The following GLB1 variants were observed in gnomAD, a reference collection of about 807,000 sequenced individuals.
GLB1 encodes the protein beta-galactosidase.
GLB1 carries 56 observed loss-of-function variants against 74.0 expected under a neutral mutation model. That is an observed-to-expected ratio of 0.76 (90% CI 0.61 to 0.94). The LOEUF is 0.94. Ranked by LOEUF, GLB1 falls within the 40% of genes least tolerant of loss-of-function variation. GLB1 has a pLI of 0.00. For missense variants in GLB1, 787 were observed against 845.5 expected (o/e 0.93, Z 0.86); for synonymous variants, 323 against 323.6 (o/e 1.00, Z 0.02).
the GLB1 span, among the ~76,000 whole-genome samples, chr3:32,969,697 G>T: frequency 2.6e-5 from 4 of 152,228 alleles, no homozygotes; most frequent in African/African-American, 9.6e-5. Context: ...TCCAGTGGGA[G>T]GCTAGCCATA....
At chr3:33,025,688 G>A (rs1284054618) in intron 10 of GLB1, among the ~76,000 whole-genome samples, 3 of 148,978 alleles carry the variant, frequency 2.0e-5, no homozygotes, top group Non-Finnish European at 4.5e-5. Flanking sequence ...GGGCCGTGGC[G>A]GTGGGAGCAG....
rs544222319 is a variant in GLB1, at chr3:33,045,507, ATCT to A, written c.1068+610_1068+612del. ...CCACACATAAAAAGGAAAATAGTTT[ATCT>A]TCTTCTCTCTTGCAAATAAGGACGG... On this transcript the variant is annotated intron_variant, in intron 10 of 15. Transcript: ENST00000307363. 1.5e-4 allele frequency: 144 copies of A among 988,216 alleles called. No homozygotes were observed. The African/African-American group carries it at 2.2e-3, about 15-fold the overall frequency. The allele number at this position is 988,216 out of a possible 1,614,324, so 61.2% of individuals were successfully genotyped here. A position where few individuals can be genotyped will look rare whatever the true frequency, so the allele number is the denominator to read the frequency against.
Position 33,093,763 on chromosome 3 carries a change from A to AGAGCTGGTAGGCCTGCTCCATGCCGC in GLB1, c.75+3222_75+3247dup. The AGAGCTGGTAGGCCTGCTCCATGCCGC allele has an allele frequency of 1.2e-6, 2 of 1,613,700 alleles. No individual in the cohort carries two copies. The highest frequency in any genetic ancestry group is 1.7e-6 in the Non-Finnish European group (2 of 1,179,792). On this transcript the variant is annotated intron_variant, in intron 1 of 15. Transcript: ENST00000307363. The surrounding 1 kb of genome is among the most constrained non-coding windows in gnomAD (Gnocchi z 6.0). ...ACGACCCTACCACTGCGCCAGGCCA[A>AGAGCTGGTAGGCCTGCTCCATGCCGC]GAGCTGGTAGGCCTGCTCCATGCCG...
chr3:33,005,572 G>A lies in GLB1; in HGVS notation c.1735-8228C>T, dbSNP rs576477368. 8.8e-4 allele frequency among the ~76,000 whole-genome samples: 134 copies of A among 152,140 alleles called. 2 individuals are homozygous for A. In the South Asian group the frequency reaches 0.026, roughly 30 times the overall value. ...TCTTTTCTGGCATAATCATGTCTCA[G>A]TGCAGCCTTGATTTGCTGGGCTCAA... On this transcript the variant is annotated intron_variant, in intron 15 of 15. Coordinates refer to ENST00000307363, the MANE Select transcript of GLB1 (RefSeq NM_000404.4).
intron 7 of GLB1, 106 bp downstream of exon 7, chr3:33,053,385 G>T: frequency 6.6e-7 from 1 of 1,511,844 alleles, no homozygotes; most frequent in Non-Finnish European, 9.1e-7. Context: ...CCCATTAGCT[G>T]CTGACTCCAG....
intron 15 of GLB1, among the ~76,000 whole-genome samples, chr3:33,002,765 T>TA (rs947857473): frequency 5.3e-4 from 80 of 152,248 alleles, no homozygotes; most frequent in African/African-American, 1.9e-3. Flanking sequence ...GGAGCTCCTT[T>TA]AAAAGCAACA....
the GLB1 span, among the ~76,000 whole-genome samples, chr3:32,987,288 G>T: frequency 6.6e-6 from 1 of 152,250 alleles, no homozygotes; most frequent in Non-Finnish European, 1.5e-5. Flanking sequence ...ACCTAGGCTA[G>T]ATACATGAGG....
the GLB1 span, among the ~76,000 whole-genome samples, chr3:32,975,888 C>A: frequency 1.3e-5 from 2 of 152,214 alleles, no homozygotes; most frequent in African/African-American, 4.8e-5. Flanking sequence ...TTGCTGACAC[C>A]AGGGAGGTGG....
At chr3:33,013,933 C>T in intron 15 of GLB1, 123 bp downstream of exon 15, 1 of 1,541,682 alleles carries the variant, frequency 6.5e-7, no homozygotes, top group Non-Finnish European at 8.8e-7. Context: ...TGAAGAATGT[C>T]CGAAACGCCA....
At chr3:32,973,593 G>A in the GLB1 span, among the ~76,000 whole-genome samples, 5 of 152,094 alleles carry the variant, frequency 3.3e-5, no homozygotes, top group East Asian at 5.8e-4. Flanking sequence ...TGATCTGCCC[G>A]CCTTGGCCTC....
intron 1 of GLB1, chr3:33,077,611 A>T (rs1426834873): frequency 2.7e-6 from 1 of 374,102 alleles, no homozygotes; most frequent in Non-Finnish European, 4.0e-6. Flanking sequence ...AGTTTTCTCT[A>T]TTCTTTCATT....
chr3:33,031,270 T>C (rs1697993374), intron 10 of GLB1, among the ~76,000 whole-genome samples: 1 of 152,134 alleles, frequency 6.6e-6, no homozygotes, highest in African/African-American at 2.4e-5. Flanking sequence ...TACCATCCAA[T>C]TTCCTTTACT....
At chr3:33,001,442 A>G (rs532054773) in intron 15 of GLB1, among the ~76,000 whole-genome samples, 2 of 152,070 alleles carry the variant, frequency 1.3e-5, no homozygotes, top group East Asian at 3.9e-4. Context: ...TGCAAACACT[A>G]CTCACCTCAG....
At chr3:33,008,512 G>T (rs1357827706) in intron 15 of GLB1, among the ~76,000 whole-genome samples, 1 of 152,180 alleles carries the variant, frequency 6.6e-6, no homozygotes, top group African/African-American at 2.4e-5. Flanking sequence ...CAGTCAAGGA[G>T]GATGAGGTCT....
intron 15 of GLB1, among the ~76,000 whole-genome samples, chr3:33,002,324 TCTCCCTCCCTCCCTCC>T (rs775639992): frequency 1.2e-5 from 1 of 83,110 alleles, no homozygotes; most frequent in African/African-American, 4.2e-5. Context: ...AAAACAAAAG[TCTCCCTCCCTCCCTCC>T]CTCCCTCCCT....
At chr3:33,001,114 T>C (rs1021257558) in intron 15 of GLB1, among the ~76,000 whole-genome samples, 1 of 149,566 alleles carries the variant, frequency 6.7e-6, no homozygotes, top group Non-Finnish European at 1.5e-5. Flanking sequence ...TACTTCTTGT[T>C]CTTTCCTTCT....
chr3:32,998,525 A>G (rs1696413772), intron 15 of GLB1, among the ~76,000 whole-genome samples: 1 of 152,194 alleles, frequency 6.6e-6, no homozygotes, highest in Non-Finnish European at 1.5e-5. Flanking sequence ...AAAAAAAAAA[A>G]AAAGATTTGC....
chr3:33,092,868 T>C, intron 1 of GLB1: 1 of 1,611,640 alleles, frequency 6.2e-7, no homozygotes, highest in Non-Finnish European at 8.5e-7. Context: ...CTCTGTGATC[T>C]CGGCCCTGCT....
In GLB1 at chr3:33,018,887, G is replaced by A. The variant is rs113000950; in HGVS notation, c.1234-326C>T. ...TTATATCATACATAGCAAAAGTTAT[G>A]GATGTTAGCTCCAAAAACAAAACTA... On this transcript the variant is annotated intron_variant, in intron 12 of 15. Coordinates refer to ENST00000307363, the MANE Select transcript of GLB1 (RefSeq NM_000404.4). Among the ~76,000 whole-genome samples, 218 of 152,210 alleles carry A rather than the reference G, an allele frequency of 1.4e-3. 1 individual carries two copies. The highest frequency in any genetic ancestry group is 5.0e-3 in the African/African-American group (208 of 41,520).
Sources: gnomAD v4.1 joint callset for allele counts (sites outside exome capture counted in the v4.1 genomes callset) on GRCh38, gnomAD v4.1.1 for gene constraint, Gnocchi (gnomAD v3.1) non-coding constraint, MANE v1.5 for transcripts, NCBI Gene and HGNC (gene_info 2026-07-23, HGNC 2026-07-21) for gene names.